RNF220: variants seen among roughly 807,000 people sequenced by gnomAD.
RNF220 encodes the protein E3 ubiquitin-protein ligase RNF220.
A neutral mutation model predicts 67.1 loss-of-function variants in RNF220; 7 were observed. That is an observed-to-expected ratio of 0.10 (90% CI 0.06 to 0.20). The LOEUF (loss-of-function observed/expected upper bound fraction) is 0.20, where lower values mean the gene tolerates loss of function less well. Among genes scored for constraint, RNF220 ranks in the 10% least tolerant of loss-of-function variants. The pLI is 1.00. For missense variants in RNF220, 565 were observed against 740.3 expected (o/e 0.76, Z 2.75); for synonymous variants, 270 against 283.2 (o/e 0.95, Z 0.47).
chr1:44,475,216 A>G (rs988623758), intron 2 of RNF220, among the ~76,000 whole-genome samples: 2 of 152,136 alleles, frequency 1.3e-5, no homozygotes, highest in African/African-American at 4.8e-5. Context: ...GCAGACACAT[A>G]CCTTTGGCCC....
At chr1:44,554,733 A>G (rs559194097) in intron 2 of RNF220, among the ~76,000 whole-genome samples, 2 of 152,194 alleles carry the variant, frequency 1.3e-5, no homozygotes, top group East Asian at 3.9e-4. Flanking sequence ...AGCCAGTCTG[A>G]GTTCCAGCTG....
intron 2 of RNF220, among the ~76,000 whole-genome samples, chr1:44,414,339 T>C (rs1049362863): frequency 1.3e-5 from 2 of 152,204 alleles, no homozygotes; most frequent in African/African-American, 4.8e-5. Flanking sequence ...ATTCCGCCCC[T>C]TTTTTTCTCC....
chr1:44,527,555 C>A (rs1418558080), intron 2 of RNF220, among the ~76,000 whole-genome samples: 3 of 151,922 alleles, frequency 2.0e-5, no homozygotes, highest in Non-Finnish European at 4.4e-5. Context: ...TCCAGGAGTT[C>A]AAGACCAGCC....
rs12742588 is a variant in RNF220 at position 44,527,937 on chromosome 1, A to C, written c.626-86228A>C. On this transcript the variant is annotated intron_variant, in intron 2 of 14. Coordinates refer to ENST00000361799, the MANE Select transcript of RNF220 (RefSeq NM_018150.4). ...CAAGACTCCATCCCAAAAAAAAAAA[A>C]AAAAAAAAAAAAAAGTTAAATGCAA... is the stretch of plus-strand genomic sequence containing the variant. Among the ~76,000 whole-genome samples, 490 of 138,230 alleles carry C rather than the reference A, an allele frequency of 3.5e-3. 21 individuals are homozygous for C. The highest frequency in any genetic ancestry group is 5.2e-3 in the Non-Finnish European group (333 of 64,022). The allele number at this position is 138,230 out of a possible 152,430, so 90.7% of individuals were successfully genotyped here. A position where few individuals can be genotyped will look rare whatever the true frequency, so the allele number is the denominator to read the frequency against.
intron 2 of RNF220, among the ~76,000 whole-genome samples, chr1:44,507,514 G>A (rs960980712): frequency 5.3e-5 from 8 of 152,076 alleles, no homozygotes; most frequent in African/African-American, 7.2e-5. Flanking sequence ...GGCCTCGTCA[G>A]TCCTGGGGTT....
intron 2 of RNF220, among the ~76,000 whole-genome samples, chr1:44,523,314 G>A (rs190265305): frequency 4.6e-5 from 7 of 152,170 alleles, no homozygotes; most frequent in Admixed American, 6.5e-5. Flanking sequence ...GGAAGGGTCT[G>A]GGCAGGCCCC....
At chr1:44,566,132 AG>A (rs559492512) in intron 2 of RNF220, among the ~76,000 whole-genome samples, 85 of 152,030 alleles carry the variant, frequency 5.6e-4, no homozygotes, top group African/African-American at 1.8e-3. Flanking sequence ...GCCCTTCCCC[AG>A]GGGCAGGGAC....
chr1:44,571,764 G>A (rs1235951848), intron 2 of RNF220, among the ~76,000 whole-genome samples: 2 of 152,124 alleles, frequency 1.3e-5, no homozygotes, highest in African/African-American at 2.4e-5. Context: ...CCCATGTGTC[G>A]TATGTCTAAC....
At chr1:44,634,448 T>C (rs1644264833) in intron 6 of RNF220, among the ~76,000 whole-genome samples, 2 of 152,344 alleles carry the variant, frequency 1.3e-5, no homozygotes, top group Non-Finnish European at 2.9e-5. Flanking sequence ...AATTGTAACA[T>C]AGCAGCTCTC....
chr1:44,624,367 C>T lies in RNF220; in HGVS notation c.804+1580C>T, dbSNP rs1643883319. Reference sequence around the variant, plus strand: ...AGGCCTGTGTTCTAAGGACAAACCCCTGGCAGACACAGTCTACCTCCGTCC... The same window carrying T: ...AGGCCTGTGTTCTAAGGACAAACCCTTGGCAGACACAGTCTACCTCCGTCC... On this transcript the variant is annotated intron_variant, in intron 4 of 14. Coordinates refer to ENST00000361799, the MANE Select transcript of RNF220 (RefSeq NM_018150.4). The surrounding 1 kb of genome is among the most constrained non-coding windows in gnomAD (Gnocchi z 4.2). Among the ~76,000 whole-genome samples, 3 of 152,226 alleles carry T rather than the reference C, an allele frequency of 2.0e-5. No homozygotes were observed. Among genetic ancestry groups the T allele is most frequent in the South Asian group, 4.1e-4 (2 of 4,830 alleles).
At chr1:44,620,027 C>T (rs1029200920) in intron 3 of RNF220, among the ~76,000 whole-genome samples, 12 of 152,200 alleles carry the variant, frequency 7.9e-5, no homozygotes, top group African/African-American at 2.7e-4. Context: ...TTTCTGTTCA[C>T]CAGCAGAGCA....
chr1:44,444,499 G>T (rs1162333938), intron 2 of RNF220, among the ~76,000 whole-genome samples: 1 of 151,958 alleles, frequency 6.6e-6, no homozygotes, highest in Non-Finnish European at 1.5e-5. Flanking sequence ...GGAGTGTGGT[G>T]GTGCAGTCTC....
At chr1:44,464,345 T>A (rs1253447534) in intron 2 of RNF220, among the ~76,000 whole-genome samples, 2 of 152,232 alleles carry the variant, frequency 1.3e-5, no homozygotes, top group African/African-American at 4.8e-5. Context: ...CAGAGGCATG[T>A]TCTTCTCATG....
intron 12 of RNF220, among the ~76,000 whole-genome samples, chr1:44,647,717 A>C (rs1235348879): frequency 1.3e-5 from 2 of 152,012 alleles, no homozygotes; most frequent in East Asian, 3.9e-4. Flanking sequence ...CCCTCCCTGC[A>C]CTCCCATTAC....
chr1:44,632,440 C>T (rs1644182513), intron 6 of RNF220, 55 bp downstream of exon 6: 1 of 1,488,756 alleles, frequency 6.7e-7, no homozygotes, highest in Non-Finnish European at 9.1e-7. Context: ...TCCCTCCCTC[C>T]CTCACTGCCT....
rs1219658488 is a variant in RNF220, at chr1:44,417,717, T to A, written c.625+4995T>A. On this transcript the variant is annotated intron_variant, in intron 2 of 14. Transcript: ENST00000361799. The surrounding 1 kb of genome is among the most constrained non-coding windows in gnomAD (Gnocchi z 4.0). The stretch of plus-strand genomic sequence containing the variant: ...CGGCCGCCCGCCAGCCCCTCGCCGC[T>A]GCCGGCAGAAGGGTGGCTGGTAATT... Among the ~76,000 whole-genome samples, 2 of 152,014 alleles carry A rather than the reference T, an allele frequency of 1.3e-5. No homozygotes were observed. The highest frequency in any genetic ancestry group is 2.9e-5 in the Non-Finnish European group (2 of 67,986).
chr1:44,567,210 A>G (rs1249508305), intron 2 of RNF220, among the ~76,000 whole-genome samples: 1 of 152,046 alleles, frequency 6.6e-6, no homozygotes, highest in Non-Finnish European at 1.5e-5. Context: ...GGGAACCAGG[A>G]ACAGTACAAA....
chr1:44,476,118 C>CAT (rs777492373), intron 2 of RNF220, among the ~76,000 whole-genome samples: 28 of 151,286 alleles, frequency 1.9e-4, no homozygotes, highest in Non-Finnish European at 3.1e-4. Context: ...TGCTTAAGAA[C>CAT]ATATATATAT....
chr1:44,615,577 A>G (rs1280923390), intron 3 of RNF220, among the ~76,000 whole-genome samples: 5 of 152,112 alleles, frequency 3.3e-5, no homozygotes, highest in Admixed American at 2.6e-4. Flanking sequence ...AGGGGATCCC[A>G]TAGTGAATCA....
Sources: gnomAD v4.1 joint callset for allele counts (sites outside exome capture counted in the v4.1 genomes callset) on GRCh38, gnomAD v4.1.1 for gene constraint, Gnocchi (gnomAD v3.1) non-coding constraint, MANE v1.5 for transcripts, NCBI Gene and HGNC (gene_info 2026-07-23, HGNC 2026-07-21) for gene names.